KCNN2: variants seen among roughly 807,000 people sequenced by gnomAD.
KCNN2 encodes the protein small conductance calcium-activated potassium channel protein 2.
A neutral mutation model predicts 55.5 loss-of-function variants in KCNN2; 24 were observed. The observed-to-expected ratio is 0.43, with a 90% CI of 0.31 to 0.61. KCNN2 has a LOEUF of 0.61. Among genes scored for constraint, KCNN2 ranks in the 20% least tolerant of loss-of-function variants. The pLI, the probability that KCNN2 is intolerant of heterozygous loss-of-function variation, is 0.08. For synonymous variants in KCNN2, 431 were observed against 336.1 expected (o/e 1.28, Z -3.09); for missense variants, 754 against 853.6 (o/e 0.88, Z 1.45).
intron 2 of KCNN2, among the ~76,000 whole-genome samples, chr5:114,317,870 G>A (rs745531443): frequency 2.6e-5 from 4 of 152,208 alleles, no homozygotes; most frequent in Admixed American, 1.3e-4. Flanking sequence ...CGCAGGCAAC[G>A]TGCCTGCCCA....
intron 1 of KCNN2, among the ~76,000 whole-genome samples, chr5:114,195,655 A>T (rs1179264290): frequency 6.6e-6 from 1 of 151,974 alleles, no homozygotes; most frequent in East Asian, 1.9e-4. Context: ...TTCATTTTCA[A>T]TCTGGATGCC....
chr5:114,271,195 C>T (rs1277017648), intron 2 of KCNN2, among the ~76,000 whole-genome samples: 2 of 152,080 alleles, frequency 1.3e-5, no homozygotes, highest in Non-Finnish European at 2.9e-5. Context: ...CGTGCGTTTA[C>T]AAACCTTTAG....
intron 2 of KCNN2, among the ~76,000 whole-genome samples, chr5:114,230,284 T>C (rs200389145): frequency 9.7e-6 from 1 of 103,394 alleles, no homozygotes; most frequent in Admixed American, 9.7e-5. Flanking sequence ...TTTTTCTTTC[T>C]TTCTTTTTTT....
At chr5:114,170,672 T>C (rs1753013902) in intron 1 of KCNN2, among the ~76,000 whole-genome samples, 2 of 152,140 alleles carry the variant, frequency 1.3e-5, no homozygotes, top group South Asian at 4.1e-4. Flanking sequence ...TCTCAATTGA[T>C]AGCCTTAAAT....
chr5:114,211,988 A>G (rs1295666264), intron 1 of KCNN2, among the ~76,000 whole-genome samples: 3 of 151,024 alleles, frequency 2.0e-5, no homozygotes, highest in Non-Finnish European at 4.4e-5. Flanking sequence ...ATACTATTAA[A>G]ATATTATATA....
chr5:114,400,382 C>T (rs560100458), intron 2 of KCNN2, among the ~76,000 whole-genome samples: 1 of 152,304 alleles, frequency 6.6e-6, no homozygotes, highest in East Asian at 1.9e-4. Flanking sequence ...TGACGAGGTA[C>T]AACAACCAAT....
chr5:114,060,011 C>T lies in KCNN2; in HGVS notation c.-271+3511C>T, dbSNP rs533477678. ...TTTGACAGTCACCAGGTAATTAGCTCGGCACTGGCCGAAACAGTCCCTAAC... is the reference window on the plus strand; with the variant it reads ...TTTGACAGTCACCAGGTAATTAGCTTGGCACTGGCCGAAACAGTCCCTAAC... On this transcript the variant is annotated intron_variant, in intron 1 of 10. Coordinates refer to the KCNN2 transcript ENST00000512097. 7.9e-5 allele frequency among the ~76,000 whole-genome samples: 12 copies of T among 152,330 alleles called. No individual in the cohort carries two copies. The South Asian group carries it at 1.2e-3, about 16-fold the overall frequency.
chr5:114,243,705 A>G (rs1754690604), intron 2 of KCNN2, among the ~76,000 whole-genome samples: 1 of 152,194 alleles, frequency 6.6e-6, no homozygotes, highest in Non-Finnish European at 1.5e-5. Flanking sequence ...GAACTTTATC[A>G]TAGGTATGTA....
intron 2 of KCNN2, among the ~76,000 whole-genome samples, chr5:114,298,932 A>G (rs1265933988): frequency 6.6e-6 from 1 of 152,188 alleles, no homozygotes; most frequent in Non-Finnish European, 1.5e-5. Flanking sequence ...CACTATCAGT[A>G]TAAATTAGGA....
intron 1 of KCNN2, among the ~76,000 whole-genome samples, chr5:114,062,469 A>G (rs939207515): frequency 3.9e-5 from 6 of 152,212 alleles, no homozygotes; most frequent in African/African-American, 1.4e-4. Context: ...GACTTTAAAT[A>G]TGAGGTTTGT....
chr5:114,437,115 A>G (rs932293800), intron 3 of KCNN2, among the ~76,000 whole-genome samples: 7 of 152,020 alleles, frequency 4.6e-5, no homozygotes, highest in African/African-American at 1.7e-4. Flanking sequence ...CTTTAAGTAC[A>G]AGTCTTTCAT....
At chr5:114,153,346 A>G (rs1752564398) in intron 1 of KCNN2, among the ~76,000 whole-genome samples, 1 of 152,118 alleles carries the variant, frequency 6.6e-6, no homozygotes, top group South Asian at 2.1e-4. Context: ...GGAATAATCA[A>G]CATATTTTCC....
chr5:114,328,354 G>A (rs1756749105), intron 2 of KCNN2, among the ~76,000 whole-genome samples: 1 of 152,106 alleles, frequency 6.6e-6, no homozygotes, highest in South Asian at 2.1e-4. Flanking sequence ...ATTTAACTGA[G>A]GACAGAAGAA....
At chr5:114,423,938 C>T (rs571807826) in intron 3 of KCNN2, among the ~76,000 whole-genome samples, 4 of 152,168 alleles carry the variant, frequency 2.6e-5, no homozygotes, top group African/African-American at 7.2e-5. Flanking sequence ...AGGGCAGTTT[C>T]GAGGGTCAGA....
At chr5:114,327,979 C>T (rs766152697) in intron 2 of KCNN2, among the ~76,000 whole-genome samples, 1 of 152,210 alleles carries the variant, frequency 6.6e-6, no homozygotes, top group Non-Finnish European at 1.5e-5. Context: ...GTGGTTATTA[C>T]TAATTGAAGA....
chr5:114,495,563 A>G (rs1748071682), intron 7 of KCNN2, among the ~76,000 whole-genome samples: 1 of 152,168 alleles, frequency 6.6e-6, no homozygotes, highest in African/African-American at 2.4e-5. Flanking sequence ...TTGATGTACT[A>G]ACCTTTGTGA....
chr5:114,496,386 T>C lies in KCNN2; in HGVS notation c.*204T>C. The C allele has an allele frequency of 1.8e-6, 1 of 552,412 alleles. No individual in the cohort carries two copies. Among genetic ancestry groups the C allele is most frequent in the Non-Finnish European group, 3.2e-6 (1 of 315,980 alleles). 34.2% of individuals were successfully genotyped at this position (552,412 alleles called of 1,614,324 possible). On this transcript the variant is annotated 3_prime_UTR_variant, in exon 8 of 8. Coordinates refer to ENST00000673685, the MANE Select transcript of KCNN2 (RefSeq NM_021614.4). ...AGATGCACAGGGAATGCACCTATTA[T>C]TGCTATATAGATTGTTCCTCCTGTA...
At chr5:114,096,372 T>A (rs1241239801) in intron 1 of KCNN2, among the ~76,000 whole-genome samples, 1 of 152,154 alleles carries the variant, frequency 6.6e-6, no homozygotes, top group Non-Finnish European at 1.5e-5. Context: ...CTACACTGGA[T>A]CCCTGGCTTA....
intron 1 of KCNN2, among the ~76,000 whole-genome samples, chr5:114,211,188 G>T (rs1424355751): frequency 1.3e-5 from 2 of 152,122 alleles, no homozygotes; most frequent in African/African-American, 4.8e-5. Context: ...AATACCATTT[G>T]ATCCAGCAAT....
Sources: allele counts gnomAD v4.1 joint callset (sites outside exome capture counted in the v4.1 genomes callset), GRCh38; gene constraint gnomAD v4.1.1; transcripts MANE v1.5; gene names NCBI Gene and HGNC (gene_info 2026-07-23, HGNC 2026-07-21).